The following ALG8 variants were observed in gnomAD, a reference collection of about 807,000 sequenced individuals.
The protein encoded by ALG8 is ALG8 alpha-1,3-glucosyltransferase.
Under a neutral mutation model 70.2 loss-of-function variants are expected in ALG8, and 48 were observed. That is an observed-to-expected ratio of 0.68 (90% confidence interval 0.54 to 0.87). The LOEUF (loss-of-function observed/expected upper bound fraction) is 0.87, where lower values mean the gene tolerates loss of function less well. ALG8 is among the 40% of genes least tolerant of loss of function. The probability of loss-of-function intolerance (pLI) is 0.00; values close to 1 mark genes in which losing one functional copy is unlikely to be tolerated. For synonymous variants in ALG8, 234 were observed against 229.0 expected (o/e 1.02, Z -0.20); for missense variants, 572 against 608.7 (o/e 0.94, Z 0.64).
rs746756065 is a variant in ALG8 at position 78,101,102 on chromosome 11, G to A, written c.1443C>T (p.Thr481=). 1 of 1,614,068 alleles carries A rather than the reference G, an allele frequency of 6.2e-7. No homozygotes were observed. The highest frequency in any genetic ancestry group is 1.3e-5 in the African/African-American group (1 of 74,926). ...EVCCEFVFPF[T]SWKVKYPFIP... is the part of the protein sequence containing the mutation. ...TGAAGGGGTACTTCACCTTCCAGGA[G>A]GTGAAAGGGAATACAAATTCACAGC... Residue 481 remains threonine, a synonymous_variant, in exon 13 of 13, where the codon ACC becomes ACT. Transcript: ENST00000299626.
intron 1 of ALG8, among the ~76,000 whole-genome samples, chr11:78,132,704 C>CA: frequency 6.6e-6 from 1 of 152,192 alleles, no homozygotes; most frequent in East Asian, 1.9e-4. Flanking sequence ...ACATACTCTG[C>CA]ATGGATGGCC....
In ALG8 at chr11:78,125,801, C is replaced by T. The variant is rs527561859; in HGVS notation, c.174+1557G>A. On this transcript the variant is annotated intron_variant, in intron 2 of 12. Transcript: ENST00000299626. ...TCCGGCCTGGGTGAGAGTGAGACTT[C>T]GTCTCAAAAGAAAAGAAAACAAAAC... is the stretch of plus-strand genomic sequence containing the variant. Among the ~76,000 whole-genome samples, 13 of 151,624 alleles carry T rather than the reference C, an allele frequency of 8.6e-5. No homozygotes were observed. The South Asian group carries it at 1.0e-3, about 12-fold the overall frequency.
chr11:78,113,473 G>A (rs552257972), intron 7 of ALG8, among the ~76,000 whole-genome samples: 5 of 152,224 alleles, frequency 3.3e-5, no homozygotes, highest in African/African-American at 1.2e-4. Context: ...AGCACGTTGG[G>A]AGGCTGAGGC....
chr11:78,109,308 T>A, intron 9 of ALG8, 134 bp downstream of exon 9: 1 of 1,208,996 alleles, frequency 8.3e-7, no homozygotes, highest in Non-Finnish European at 1.2e-6. Context: ...TAGGAAATGC[T>A]TCAATCTGCA....
At chr11:78,129,645 C>T (rs961549721) in intron 1 of ALG8, among the ~76,000 whole-genome samples, 2 of 152,140 alleles carry the variant, frequency 1.3e-5, no homozygotes, top group East Asian at 1.9e-4. Flanking sequence ...GTAATTTGTT[C>T]TACTTTCACT....
At chr11:78,115,823 T>C (rs1001104570) in intron 5 of ALG8, among the ~76,000 whole-genome samples, 1 of 152,248 alleles carries the variant, frequency 6.6e-6, no homozygotes, top group Non-Finnish European at 1.5e-5. Flanking sequence ...CTTTAGGAAT[T>C]AGAGCCCAGA....
At chr11:78,124,866 T>C (rs1860993726) in intron 2 of ALG8, among the ~76,000 whole-genome samples, 1 of 152,218 alleles carries the variant, frequency 6.6e-6, no homozygotes, top group African/African-American at 2.4e-5. Context: ...GAAACTATCC[T>C]TTATCATTTT....
At chr11:78,120,287 G>T (rs1418927624) in intron 4 of ALG8, among the ~76,000 whole-genome samples, 1 of 152,014 alleles carries the variant, frequency 6.6e-6, no homozygotes, top group Non-Finnish European at 1.5e-5. Flanking sequence ...GAAGTTTTTT[G>T]TTTTTTAGAA....
intron 3 of ALG8, among the ~76,000 whole-genome samples, chr11:78,122,936 A>G (rs911678820): frequency 3.9e-5 from 6 of 152,098 alleles, no homozygotes; most frequent in Non-Finnish European, 7.4e-5. Flanking sequence ...ACAAACAGAA[A>G]CGATCCATTT....
chr11:78,113,878 AG>A lies in ALG8; in HGVS notation c.777+7del. 6.5e-7 allele frequency: 1 copy of A among 1,539,164 alleles called. No individual in the cohort carries two copies. Among genetic ancestry groups the A allele is most frequent in the Non-Finnish European group, 8.8e-7 (1 of 1,142,050 alleles). On this transcript the variant is annotated splice_region_variant and intron_variant, in intron 7 of 12. Coordinates refer to ENST00000299626, the MANE Select transcript of ALG8 (RefSeq NM_024079.5). ...TATTAATTGAAAAAAAAAAAAAAAA[AG>A]GCTTACCAAGGCCAGGAAAGGACCC...
chr11:78,119,553 C>G (rs139548337), intron 4 of ALG8, among the ~76,000 whole-genome samples: 1 of 151,504 alleles, frequency 6.6e-6, no homozygotes, highest in Non-Finnish European at 1.5e-5. Context: ...TTCAGCCTCC[C>G]GAGTAGCTGG....
intron 3 of ALG8, among the ~76,000 whole-genome samples, chr11:78,123,331 A>AG (rs1565357118): frequency 9.6e-5 from 9 of 94,122 alleles, no homozygotes; most frequent in Middle Eastern, 6.0e-3. Flanking sequence ...AAAAAAAAAA[A>AG]AAAAAGAAAA....
At chr11:78,114,152 T>C in intron 6 of ALG8, 114 bp downstream of exon 6, 1 of 1,458,888 alleles carries the variant, frequency 6.9e-7, no homozygotes, top group Non-Finnish European at 9.5e-7. Context: ...GCTTACAGGA[T>C]TAGCAGCTGA....
chr11:78,106,476 C>T (rs559902530), intron 10 of ALG8, among the ~76,000 whole-genome samples: 4 of 152,312 alleles, frequency 2.6e-5, no homozygotes, highest in South Asian at 2.1e-4. Flanking sequence ...GGATTACAGG[C>T]GTGAGCTACC....
At chr11:78,116,552 T>C (rs756206897) in intron 5 of ALG8, among the ~76,000 whole-genome samples, 49 of 152,200 alleles carry the variant, frequency 3.2e-4, no homozygotes, top group African/African-American at 1.1e-3. Flanking sequence ...ACCCCGTCTC[T>C]AGTAAAAATA....
chr11:78,113,148 A>G lies in ALG8; in HGVS notation c.778-378T>C, dbSNP rs147182488. Among the ~76,000 whole-genome samples the G allele has an allele frequency of 6.2e-3, 947 of 152,360 alleles. 6 individuals carry two copies. The highest frequency in any genetic ancestry group is 0.022 in the African/African-American group (903 of 41,582). ...GTTTTAGTAAGAATTAAAATTAATTAGTTGATTTCAGGGCAGGGAAGAAGA... is the reference window on the plus strand; with the variant it reads ...GTTTTAGTAAGAATTAAAATTAATTGGTTGATTTCAGGGCAGGGAAGAAGA... On this transcript the variant is annotated intron_variant, in intron 7 of 12. Transcript: ENST00000299626.
chr11:78,120,993 T>C, intron 4 of ALG8, 72 bp downstream of exon 4: 1 of 1,354,428 alleles, frequency 7.4e-7, no homozygotes, highest in Non-Finnish European at 1.1e-6. Flanking sequence ...ATCATTATTA[T>C]AGAAAACATT....
intron 1 of ALG8, among the ~76,000 whole-genome samples, chr11:78,130,113 A>ATTGTT (rs1861238665): frequency 6.6e-6 from 1 of 152,196 alleles, no homozygotes; most frequent in Non-Finnish European, 1.5e-5. Flanking sequence ...ACACTTCGGG[A>ATTGTT]GGCCAAGGCG....
intron 1 of ALG8, among the ~76,000 whole-genome samples, chr11:78,132,905 C>A (rs1466803207): frequency 6.8e-6 from 1 of 146,600 alleles, no homozygotes; most frequent in South Asian, 2.2e-4. Context: ...GGCGCTATCT[C>A]GGCTCACTGC....
Sources: allele counts gnomAD v4.1 joint callset (sites outside exome capture counted in the v4.1 genomes callset), GRCh38; gene constraint gnomAD v4.1.1; transcripts MANE v1.5; gene names NCBI Gene and HGNC (gene_info 2026-07-23, HGNC 2026-07-21).